The following DIP2A variants were observed in gnomAD, a reference collection of about 807,000 sequenced individuals.
DIP2A encodes DIP2 acetate--CoA ligase A.
DIP2A carries 85 observed loss-of-function variants against 177.4 expected under a neutral mutation model. The observed-to-expected ratio is 0.48, with a 90% CI of 0.40 to 0.57. The LOEUF (loss-of-function observed/expected upper bound fraction) is 0.57, where lower values mean the gene tolerates loss of function less well. Ranked by LOEUF, DIP2A falls within the 20% of genes least tolerant of loss-of-function variation. The pLI is 0.00. For synonymous variants in DIP2A, 886 were observed against 881.8 expected (o/e 1.00, Z -0.08); for missense variants, 1,791 against 2,100.2 (o/e 0.85, Z 2.88).
intron 25 of DIP2A, 39 bp downstream of exon 25, chr21:46,551,943 G>T: frequency 1.3e-6 from 2 of 1,553,984 alleles, no homozygotes; most frequent in Non-Finnish European, 1.7e-6. Flanking sequence ...GGAAACACCT[G>T]TGGGCCGGTG....
rs945066159 is a variant in DIP2A at position 46,569,358 on chromosome 21, A to G, written c.*1736A>G. ...GGACTGTGGTAAAGTATGTTGTGAC[A>G]TACTGGAATTCTAATAATCCTGTTG... On this transcript the variant is annotated 3_prime_UTR_variant, in exon 38 of 38. Coordinates refer to ENST00000417564, the MANE Select transcript of DIP2A (RefSeq NM_015151.4). 2.0e-5 allele frequency: 3 copies of G among 152,194 alleles called. No homozygotes were observed. Among genetic ancestry groups the G allele is most frequent in the Admixed American group, 6.5e-5 (1 of 15,288 alleles). The allele number at this position is 152,194 out of a possible 1,614,324, so 9.4% of individuals were successfully genotyped here.
intron 35 of DIP2A, 142 bp downstream of exon 35, chr21:46,564,074 TC>T: frequency 1.1e-6 from 1 of 914,590 alleles, no homozygotes; most frequent in Non-Finnish European, 1.6e-6. Context: ...CCCGTGTACC[TC>T]CCAGACCCAG....
At chr21:46,506,564 A>G (rs563399355) in intron 6 of DIP2A, among the ~76,000 whole-genome samples, 1 of 152,242 alleles carries the variant, frequency 6.6e-6, no homozygotes, top group South Asian at 2.1e-4. Context: ...CCATCCCAAT[A>G]GGCATGTAGA....
At position 46,554,850 on chromosome 21, in the gene DIP2A, C is replaced by A. The variant is rs1421139995; in HGVS notation, c.3305C>A (p.Thr1102Lys). The change falls in exon 28 of 38, where the codon ACG becomes AAG. Residue 1102 changes from threonine (T) to lysine (K), a missense_variant. Thr to Lys is a moderately conservative substitution (Grantham distance 78). Transcript: ENST00000417564. ...EVSKSACVLT[T>K]QAVTRLLRSK... ...AGCAAGTCTGCATGCGTCCTCACCA[C>A]GCAGGCTGTCACACGGCTGCTCAGG... is the stretch of plus-strand genomic sequence containing the variant. 1 of 1,549,302 alleles carries A rather than the reference C, an allele frequency of 6.5e-7. No homozygotes were observed. Among genetic ancestry groups the A allele is most frequent in the Non-Finnish European group, 8.7e-7 (1 of 1,146,968 alleles).
intron 1 of DIP2A, among the ~76,000 whole-genome samples, chr21:46,463,709 TG>T (rs1568890428): frequency 0.021 from 3,105 of 151,286 alleles, 106 homozygotes; most frequent in African/African-American, 0.071. Context: ...TGTGTGTGTG[TG>T]TGTGTGTGTA....
At chr21:46,483,958 A>G (rs1244397023) in intron 1 of DIP2A, among the ~76,000 whole-genome samples, 6 of 152,192 alleles carry the variant, frequency 3.9e-5, no homozygotes, top group African/African-American at 7.2e-5. Context: ...TGCTTACATT[A>G]AGAAGTGTTT....
At position 46,557,818 on chromosome 21, in the gene DIP2A, A is replaced by G; in HGVS notation, c.3798+65A>G. On this transcript the variant is annotated intron_variant, in intron 31 of 37. Transcript: ENST00000417564. The surrounding 1 kb of genome is among the most constrained non-coding windows in gnomAD (Gnocchi z 6.0). ...CACAGCCCTGGGAAGTTTAAAAACA[A>G]CAAAACAAAACAAGACTCCCAAGGC... The G allele has an allele frequency of 1.3e-6, 2 of 1,536,582 alleles. No homozygotes were observed. The highest frequency in any genetic ancestry group is 1.7e-4 in the Middle Eastern group (1 of 5,772).
At chr21:46,466,325 T>C (rs1029482651) in intron 1 of DIP2A, among the ~76,000 whole-genome samples, 3 of 150,870 alleles carry the variant, frequency 2.0e-5, no homozygotes, top group African/African-American at 4.9e-5. Flanking sequence ...ATAAGAGTTA[T>C]AGATTCTACA....
At chr21:46,573,068 T>C (rs1210113611), downstream of DIP2A, among the ~76,000 whole-genome samples, 1 of 152,038 alleles carries the variant, frequency 6.6e-6, no homozygotes, top group Non-Finnish European at 1.5e-5. Context: ...TCTCAGAACA[T>C]ATTTCTGTTG....
At chr21:46,477,097 CTCCTGCTCT>C (rs1042696491) in intron 1 of DIP2A, among the ~76,000 whole-genome samples, 1 of 152,152 alleles carries the variant, frequency 6.6e-6, no homozygotes, top group African/African-American at 2.4e-5. Context: ...TTCTTGCCTC[CTCCTGCTCT>C]TCCTCTGTGT....
chr21:46,484,530 C>G (rs376746163), intron 1 of DIP2A, among the ~76,000 whole-genome samples: 1 of 152,192 alleles, frequency 6.6e-6, no homozygotes, highest in East Asian at 1.9e-4. Flanking sequence ...TTCTTTCACT[C>G]AGCAGCATGC....
intron 21 of DIP2A, 132 bp downstream of exon 21, chr21:46,547,174 T>C: frequency 6.9e-7 from 1 of 1,441,692 alleles, no homozygotes; most frequent in South Asian, 1.5e-5. Flanking sequence ...ATCAGAAAAC[T>C]CCTAAAGTAA....
Position 46,554,165 on chromosome 21 carries a change from C to G in DIP2A, c.3031-4C>G. ...ACAGATGAGCTCAAAGATCGCTTTC[C>G]TAGGGCACCGTCACAAGCACTGCAA... On this transcript the variant is annotated splice_region_variant and splice_polypyrimidine_tract_variant and intron_variant, in intron 25 of 37. Transcript: ENST00000417564. The G allele has an allele frequency of 6.2e-7, 1 of 1,613,138 alleles. No individual in the cohort carries two copies. Among genetic ancestry groups the G allele is most frequent in the Non-Finnish European group, 8.5e-7 (1 of 1,179,368 alleles).
chr21:46,477,468 A>C (rs2055952529), intron 1 of DIP2A, among the ~76,000 whole-genome samples: 1 of 149,688 alleles, frequency 6.7e-6, no homozygotes, highest in Non-Finnish European at 1.5e-5. Flanking sequence ...GTCAGGTTGC[A>C]GTGAGCTGAG....
downstream of DIP2A, among the ~76,000 whole-genome samples, chr21:46,572,446 A>G (rs775167688): frequency 2.0e-5 from 3 of 152,206 alleles, no homozygotes; most frequent in Non-Finnish European, 4.4e-5. Context: ...AGTACTTACT[A>G]TGATTTGAGT....
chr21:46,536,539 A>G (rs16979333), intron 13 of DIP2A, among the ~76,000 whole-genome samples: 2,257 of 152,296 alleles, frequency 0.015, 47 homozygotes, highest in African/African-American at 0.051. Flanking sequence ...AGAAGTAAGA[A>G]TATCCCTGAC....
chr21:46,487,963 C>T (rs2056789660), intron 2 of DIP2A, among the ~76,000 whole-genome samples: 1 of 152,058 alleles, frequency 6.6e-6, no homozygotes, highest in South Asian at 2.1e-4. Flanking sequence ...TGGAAGTGAC[C>T]CATTAGAAGA....
Position 46,550,689 on chromosome 21 carries a change from G to A in DIP2A, c.2784G>A (p.Leu928=), listed in dbSNP as rs1166234857. ...GGACGCTGCACCCGTGTAATGTGCT[G>A]ATGTGCCCTCACACCTGTGTTACCA... ...LEGTLHPCNV[L]MCPHTCVTNL... Residue 928 remains leucine (L), a synonymous_variant, in exon 23 of 38, where the codon CTG becomes CTA. Transcript: ENST00000417564. 1 of 1,614,038 alleles carries A rather than the reference G, an allele frequency of 6.2e-7. No homozygotes were observed. The highest frequency in any genetic ancestry group is 1.7e-5 in the Admixed American group (1 of 60,032).
intron 18 of DIP2A, among the ~76,000 whole-genome samples, chr21:46,543,405 TC>T (rs1476516328): frequency 6.6e-6 from 1 of 152,134 alleles, no homozygotes; most frequent in Non-Finnish European, 1.5e-5. Context: ...TGCACAGCGC[TC>T]CCGTAGGCGT....
Sources: allele counts gnomAD v4.1 joint callset (sites outside exome capture counted in the v4.1 genomes callset), GRCh38; gene constraint gnomAD v4.1.1; non-coding constraint Gnocchi (gnomAD v3.1); transcripts MANE v1.5; gene names NCBI Gene and HGNC (gene_info 2026-07-23, HGNC 2026-07-21).